PLAA: variants seen among roughly 807,000 people sequenced by gnomAD.
PLAA encodes the protein phospholipase A2 activating protein.
Under a neutral mutation model 84.1 loss-of-function variants are expected in PLAA, and 48 were observed. The ratio of observed to expected loss-of-function variants is 0.57; its 90% CI spans 0.45 to 0.73. The LOEUF is 0.73. PLAA is among the 30% of genes least tolerant of loss of function. PLAA has a pLI of 0.00. For missense variants in PLAA, 903 were observed against 954.7 expected (o/e 0.95, Z 0.71); for synonymous variants, 392 against 336.6 (o/e 1.16, Z -1.80).
At chr9:26,909,841 C>T (rs1441274131) in intron 12 of PLAA, among the ~76,000 whole-genome samples, 1 of 152,118 alleles carries the variant, frequency 6.6e-6, no homozygotes, top group African/African-American at 2.4e-5. Context: ...CCAGGCTAGT[C>T]TCGAACTCCT....
intron 2 of PLAA, among the ~76,000 whole-genome samples, chr9:26,932,044 C>T (rs1197627610): frequency 6.6e-6 from 1 of 152,140 alleles, no homozygotes; most frequent in African/African-American, 2.4e-5. Context: ...CTGAAGATTG[C>T]ACCACTGCAC....
chr9:26,933,716 G>T (rs1030035928), intron 2 of PLAA, among the ~76,000 whole-genome samples: 5 of 149,216 alleles, frequency 3.4e-5, no homozygotes, highest in African/African-American at 4.9e-5. Flanking sequence ...GTGAGCCCGG[G>T]AGGCAGAGCT....
intron 12 of PLAA, among the ~76,000 whole-genome samples, chr9:26,909,934 T>C (rs995483677): frequency 1.1e-4 from 17 of 152,234 alleles, no homozygotes; most frequent in Admixed American, 3.9e-4. Context: ...AGCAGATTCA[T>C]TTCTAATGGG....
At chr9:26,926,996 T>A (rs918153727) in intron 4 of PLAA, among the ~76,000 whole-genome samples, 1 of 152,108 alleles carries the variant, frequency 6.6e-6, no homozygotes, top group African/African-American at 2.4e-5. Flanking sequence ...GTTCAGTATC[T>A]GTTGACTTAA....
intron 12 of PLAA, among the ~76,000 whole-genome samples, chr9:26,908,655 G>C (rs1824311199): frequency 6.6e-6 from 1 of 151,782 alleles, no homozygotes; most frequent in Non-Finnish European, 1.5e-5. Flanking sequence ...AGTAGAGATG[G>C]GGTTTCACCA....
Position 26,910,412 on chromosome 9 carries a change from G to C in PLAA, c.1583C>G (p.Ser528Cys), listed in dbSNP as rs745387838. 6.2e-7 allele frequency: 1 copy of C among 1,613,008 alleles called. No homozygotes were observed. The highest frequency in any genetic ancestry group is 8.5e-7 in the Non-Finnish European group (1 of 1,179,298). The stretch of plus-strand genomic sequence containing the variant: ...AGGGAAATAAATATTCATTGTTTTA[G>C]ATGCAGCTGATCGGTAGGCACTATT... Reference protein sequence around the residue: ...TGNSAYRSAASKTMNIYFPKK... With the variant: ...TGNSAYRSAACKTMNIYFPKK... The change falls in exon 12 of 14, where the codon TCT (serine) becomes TGT (cysteine). Residue 528 changes from serine (S) to cysteine (C), a missense_variant. Physicochemically the swap from Ser to Cys is moderately radical, Grantham distance 112. Coordinates refer to ENST00000397292, the MANE Select transcript of PLAA (RefSeq NM_001031689.3).
intron 2 of PLAA, among the ~76,000 whole-genome samples, chr9:26,928,952 C>A (rs1587175110): frequency 6.6e-6 from 1 of 152,310 alleles, no homozygotes; most frequent in East Asian, 1.9e-4. Flanking sequence ...AATCCCTGCA[C>A]TTTGGGAGGC....
In PLAA at chr9:26,919,338, C is replaced by G. The variant is rs768168486; in HGVS notation, c.1389G>C (p.Gly463=). ...DNTKGQMLGL[G]NPSFSDPFTG... Reference sequence around the variant, plus strand: ...TAAATGGATCTGAAAAGCTGGGATTCCCAAGTCCCAACATTTGACCTTTTG... The same window carrying G: ...TAAATGGATCTGAAAAGCTGGGATTGCCAAGTCCCAACATTTGACCTTTTG... Residue 463 remains glycine, a synonymous_variant, in exon 9 of 14, where the codon GGG becomes GGC. Transcript: ENST00000397292. 6.2e-7 allele frequency: 1 copy of G among 1,610,438 alleles called. No homozygotes were observed. The highest frequency in any genetic ancestry group is 1.7e-5 in the Admixed American group (1 of 59,930).
intron 13 of PLAA, among the ~76,000 whole-genome samples, chr9:26,906,381 T>A (rs1824235622): frequency 6.6e-6 from 1 of 151,844 alleles, no homozygotes; most frequent in Non-Finnish European, 1.5e-5. Flanking sequence ...GACTTTGCTT[T>A]TAAAAAATTC....
At chr9:26,922,031 T>A (rs1018379965) in intron 7 of PLAA, among the ~76,000 whole-genome samples, 1 of 152,214 alleles carries the variant, frequency 6.6e-6, no homozygotes, top group Non-Finnish European at 1.5e-5. Flanking sequence ...AAAGCCTGAA[T>A]AACCGTAGTC....
In PLAA at chr9:26,942,914, G is replaced by A. The variant is rs1825586987; in HGVS notation, c.149+3983C>T. Reference sequence around the variant, plus strand: ...AAAAAAAAAAGGCACAGAAAAAGATGCATACGTGATGGGGTGAGTGGAAGG... The same window carrying A: ...AAAAAAAAAAGGCACAGAAAAAGATACATACGTGATGGGGTGAGTGGAAGG... On this transcript the variant is annotated intron_variant, in intron 1 of 13. Transcript: ENST00000397292. Among the ~76,000 whole-genome samples, 3 of 141,596 alleles carry A rather than the reference G, an allele frequency of 2.1e-5. No individual in the cohort carries two copies. In the South Asian group the frequency reaches 7.0e-4, roughly 33 times the overall value. The allele number at this position is 141,596 out of a possible 152,430, so 92.9% of individuals were successfully genotyped here. A position where few individuals can be genotyped will look rare whatever the true frequency, so the allele number is the denominator to read the frequency against.
At chr9:26,919,616 TTTAATAA>T in intron 8 of PLAA, 87 bp from the exon 9 acceptor site, 4 of 745,958 alleles carry the variant, frequency 5.4e-6, no homozygotes, top group Non-Finnish European at 8.9e-6. Context: ...AGATGTGTTC[TTTAATAA>T]TTACAGTACT....
intron 9 of PLAA, among the ~76,000 whole-genome samples, chr9:26,917,753 T>C (rs865943897): frequency 2.0e-5 from 3 of 152,166 alleles, no homozygotes; most frequent in African/African-American, 7.2e-5. Flanking sequence ...GTGTGGCGTA[T>C]GTGCCTATGT....
At chr9:26,939,290 A>C (rs184128629) in intron 1 of PLAA, among the ~76,000 whole-genome samples, 2 of 152,082 alleles carry the variant, frequency 1.3e-5, no homozygotes, top group African/African-American at 4.8e-5. Context: ...CGGGAGGCTG[A>C]GGCAGGAGAA....
chr9:26,923,536 G>C (rs1016555787), intron 6 of PLAA, among the ~76,000 whole-genome samples, 189 bp from the exon 7 acceptor site: 15 of 152,198 alleles, frequency 9.9e-5, no homozygotes, highest in Non-Finnish European at 2.1e-4. Flanking sequence ...CTATTTAATA[G>C]AGAAGTTATT....
intron 12 of PLAA, among the ~76,000 whole-genome samples, chr9:26,908,352 G>C (rs1189538878): frequency 6.6e-6 from 1 of 151,648 alleles, no homozygotes; most frequent in East Asian, 1.9e-4. Flanking sequence ...GTTTTTAGTA[G>C]AGACGGGGTT....
At position 26,940,760 on chromosome 9, in the gene PLAA, G is replaced by A. The variant is rs117008574; in HGVS notation, c.150-5554C>T. On this transcript the variant is annotated intron_variant, in intron 1 of 13. Coordinates refer to ENST00000397292, the MANE Select transcript of PLAA (RefSeq NM_001031689.3). ...GGAACTAAGATAAGAAAGACTAATC[G>A]AAAGTCTTCAGAATCTGAAGCATTA... 3.7e-3 allele frequency among the ~76,000 whole-genome samples: 568 copies of A among 152,252 alleles called. 3 individuals are homozygous for A. Among genetic ancestry groups the A allele is most frequent in the Non-Finnish European group, 5.2e-3 (357 of 68,006 alleles).
In PLAA at chr9:26,928,395, T is replaced by A. The variant is rs1251664115; in HGVS notation, c.357A>T (p.Ser119=). Residue 119 remains serine, a synonymous_variant, in exon 3 of 14, where the codon TCA becomes TCT. Transcript: ENST00000397292. The stretch of plus-strand genomic sequence containing the variant: ...TAAGTAATGTCCCAAATTTTCCAGA[T>A]GATAGACTACAAACTAAGGAAAAAA... ...KGHKNTVCSL[S]SGKFGTLLSG... 1.9e-6 allele frequency: 3 copies of A among 1,608,346 alleles called. No homozygotes were observed. The highest frequency in any genetic ancestry group is 1.7e-6 in the Non-Finnish European group (2 of 1,174,826).
chr9:26,945,430 T>C (rs1288658409), intron 1 of PLAA, among the ~76,000 whole-genome samples: 1 of 152,250 alleles, frequency 6.6e-6, no homozygotes. Flanking sequence ...TATTACTAAG[T>C]AGTTTTGGAT....
Sources: gnomAD v4.1 joint callset for allele counts (sites outside exome capture counted in the v4.1 genomes callset) on GRCh38, gnomAD v4.1.1 for gene constraint, MANE v1.5 for transcripts, NCBI Gene and HGNC (gene_info 2026-07-23, HGNC 2026-07-21) for gene names.